The following MED15 variants were observed in gnomAD, a reference collection of about 807,000 sequenced individuals.
MED15 encodes the protein mediator complex subunit 15.
A neutral mutation model predicts 118.7 loss-of-function variants in MED15; 41 were observed. The observed-to-expected ratio is 0.35, with a 90% CI of 0.27 to 0.45. The LOEUF (loss-of-function observed/expected upper bound fraction) is 0.45, where lower values mean the gene tolerates loss of function less well. Ranked by LOEUF, MED15 falls within the 20% of genes least tolerant of loss-of-function variation. MED15 has a pLI of 1.00. For missense variants in MED15, 740 were observed against 1,025.5 expected, an observed-to-expected ratio of 0.72 and a Z score of 3.80; for synonymous variants, 436 against 413.9, an observed-to-expected ratio of 1.05 and a Z score of -0.65.
chr22:20,580,158 C>T (rs533036298), intron 9 of MED15, among the ~76,000 whole-genome samples: 1 of 152,272 alleles, frequency 6.6e-6, no homozygotes, highest in Non-Finnish European at 1.5e-5. Context: ...CCACCAGCTG[C>T]CCTGACCTGG....
chr22:20,531,791 GCA>G (rs1035732109), intron 1 of MED15, among the ~76,000 whole-genome samples: 26 of 152,252 alleles, frequency 1.7e-4, no homozygotes, highest in African/African-American at 6.0e-4. Context: ...AGTGGGGCTG[GCA>G]CACAGAAACC....
At chr22:20,517,403 T>A (rs2054291460) in intron 1 of MED15, among the ~76,000 whole-genome samples, 1 of 152,220 alleles carries the variant, frequency 6.6e-6, no homozygotes, top group Non-Finnish European at 1.5e-5. Flanking sequence ...TCTCAGTTCT[T>A]ACTCCCTGCT....
At chr22:20,523,558 C>CT (rs1270875398) in intron 1 of MED15, 1 of 681,590 alleles carries the variant, frequency 1.5e-6, no homozygotes, top group African/African-American at 2.0e-5. Context: ...GTGCAGATCT[C>CT]TAAAAGATCG....
intron 6 of MED15, 148 bp from the exon 7 acceptor site, chr22:20,566,319 C>G (rs946592745): frequency 2.1e-5 from 29 of 1,405,246 alleles, no homozygotes; most frequent in Non-Finnish European, 2.5e-5. Context: ...GGATTACAGG[C>G]GTGAGCCACT....
intron 1 of MED15, among the ~76,000 whole-genome samples, chr22:20,532,313 CGAA>C (rs2054892617): frequency 6.6e-6 from 1 of 152,158 alleles, no homozygotes; most frequent in African/African-American, 2.4e-5. Context: ...GATGAAGACA[CGAA>C]GAGCTTTTCT....
At chr22:20,525,033 G>C (rs1034118780) in intron 1 of MED15, among the ~76,000 whole-genome samples, 2 of 152,140 alleles carry the variant, frequency 1.3e-5, no homozygotes, top group African/African-American at 4.8e-5. Context: ...GGGCGCAGTT[G>C]CTCACACCTA....
At chr22:20,549,001 A>G (rs1383342558) in intron 2 of MED15, among the ~76,000 whole-genome samples, 1 of 151,986 alleles carries the variant, frequency 6.6e-6, no homozygotes, top group East Asian at 1.9e-4. Context: ...GTGTCTTACT[A>G]TGTTGCCCAG....
intron 2 of MED15, 118 bp from the exon 3 acceptor site, chr22:20,551,318 A>C: frequency 2.2e-6 from 2 of 925,286 alleles, no homozygotes; most frequent in Non-Finnish European, 3.6e-6. Context: ...CAAGCGTCTG[A>C]ATCTGCCTTG....
At chr22:20,529,865 T>C (rs188645310) in intron 1 of MED15, among the ~76,000 whole-genome samples, 2 of 152,278 alleles carry the variant, frequency 1.3e-5, no homozygotes, top group Admixed American at 1.3e-4. Flanking sequence ...GTGCTGGGAT[T>C]ACAGGCGTGA....
chr22:20,513,342 C>T (rs1206061508), intron 1 of MED15, among the ~76,000 whole-genome samples: 3 of 150,046 alleles, frequency 2.0e-5, no homozygotes, highest in African/African-American at 4.9e-5. Context: ...TGCATTGGTG[C>T]GATCTCAGCT....
chr22:20,533,772 A>T (rs2054944969), intron 1 of MED15, among the ~76,000 whole-genome samples: 2 of 152,168 alleles, frequency 1.3e-5, no homozygotes, highest in African/African-American at 4.8e-5. Context: ...CATCTGTGAC[A>T]TTACCCAGGA....
At chr22:20,584,529 C>T (rs1487044832) in intron 14 of MED15, 104 bp downstream of exon 14, 9 of 1,348,872 alleles carry the variant, frequency 6.7e-6, no homozygotes, top group Middle Eastern at 1.8e-4. Flanking sequence ...GGGCGGGGGC[C>T]GGGCCTGACC....
intron 2 of MED15, among the ~76,000 whole-genome samples, chr22:20,539,400 C>T (rs577107101): frequency 1.1e-4 from 16 of 152,228 alleles, no homozygotes; most frequent in Non-Finnish European, 1.9e-4. Flanking sequence ...CGTGAGCCAC[C>T]GTGCCTGGCC....
rs1163856217 is a variant in MED15 at position 20,584,863 on chromosome 22, CCCACCGCCCCCGGTG to C, written c.1819_1833del (p.Pro607_Pro611del). On this transcript the variant is annotated inframe_deletion, in exon 15 of 18. Transcript: ENST00000263205. ...GCCCATCCTGTCTCCAGCCCACTCCCCCACCGCCCCCGGTGCCACCGACCAAACAGCAGTACCTAT... is the reference window on the plus strand; with the variant it reads ...GCCCATCCTGTCTCCAGCCCACTCCCCCACCGACCAAACAGCAGTACCTAT... 6.2e-7 allele frequency: 1 copy of C among 1,612,236 alleles called. No homozygotes were observed. The highest frequency in any genetic ancestry group is 8.5e-7 in the Non-Finnish European group (1 of 1,179,978).
rs756953839 is a variant in MED15, at chr22:20,585,318, A to G, written c.2131+51A>G. Reference sequence around the variant, plus strand: ...GTGTGGGAAAGCAGGCCCTGACCGCAGCCCCAGGACTCTGCCATCCAAGCC... The same window carrying G: ...GTGTGGGAAAGCAGGCCCTGACCGCGGCCCCAGGACTCTGCCATCCAAGCC... On this transcript the variant is annotated intron_variant, in intron 16 of 17. Transcript: ENST00000263205. 5.1e-5 allele frequency: 82 copies of G among 1,594,330 alleles called. No individual in the cohort carries two copies. The East Asian group carries it at 1.7e-3, about 34-fold the overall frequency.
intron 1 of MED15, among the ~76,000 whole-genome samples, chr22:20,532,527 A>G (rs2054900145): frequency 6.6e-6 from 1 of 152,218 alleles, no homozygotes; most frequent in Non-Finnish European, 1.5e-5. Flanking sequence ...GTACACAGAC[A>G]TAGCTATGGC....
chr22:20,549,849 C>T (rs1262113497), intron 2 of MED15, among the ~76,000 whole-genome samples: 2 of 152,178 alleles, frequency 1.3e-5, no homozygotes, highest in Non-Finnish European at 2.9e-5. Context: ...CACTGCATTC[C>T]AGGTGCTGGG....
In MED15 at chr22:20,587,000, CGGTCCA is replaced by C; in HGVS notation, c.*303_*308del. The C allele has an allele frequency of 4.2e-6, 2 of 477,982 alleles. No individual in the cohort carries two copies. The allele number at this position is 477,982 out of a possible 1,614,324, so 29.6% of individuals were successfully genotyped here. ...GGCTGCTCTCACCGTGGCCTGTCCA[CGGTCCA>C]GGTCCATCTCAGCAGCGTGAGGGTG... On this transcript the variant is annotated 3_prime_UTR_variant, in exon 18 of 18. Coordinates refer to ENST00000263205, the MANE Select transcript of MED15 (RefSeq NM_001003891.3).
chr22:20,581,108 C>T (rs1162900486), intron 9 of MED15, among the ~76,000 whole-genome samples: 5 of 152,226 alleles, frequency 3.3e-5, no homozygotes, highest in Non-Finnish European at 7.3e-5. Flanking sequence ...TGGTCACGCT[C>T]TGTGCCTTAG....
Sources: gnomAD v4.1 joint callset for allele counts (sites outside exome capture counted in the v4.1 genomes callset) on GRCh38, gnomAD v4.1.1 for gene constraint, MANE v1.5 for transcripts, NCBI Gene and HGNC (gene_info 2026-07-23, HGNC 2026-07-21) for gene names.